The following ZNF28 variants were observed in gnomAD, a reference collection of about 807,000 sequenced individuals.
ZNF28 encodes the protein zinc finger protein KOX24.
In ZNF28, 5 loss-of-function variants were observed where a neutral mutation model predicts 7.2. That is an observed-to-expected ratio of 0.70 (90% confidence interval 0.36 to 1.46). The LOEUF (loss-of-function observed/expected upper bound fraction) is 1.46, where lower values mean the gene tolerates loss of function less well. Ranked by LOEUF, ZNF28 falls within the 40% of genes most tolerant of loss-of-function variation. The pLI, the probability that ZNF28 is intolerant of heterozygous loss-of-function variation, is 0.03. For missense variants in ZNF28, 879 were observed against 866.6 expected, an observed-to-expected ratio of 1.01 and a Z score of -0.18; for synonymous variants, 288 against 292.4, an observed-to-expected ratio of 0.99 and a Z score of 0.15.
intron 2 of ZNF28, among the ~76,000 whole-genome samples, chr19:52,812,383 A>G (rs896670670): frequency 7.2e-6 from 1 of 139,244 alleles, no homozygotes; most frequent in Admixed American, 7.1e-5. Context: ...GTGTGGATAG[A>G]AGTAGACATG....
chr19:52,801,225 T>G lies in ZNF28; in HGVS notation c.620A>C (p.Asn207Thr), dbSNP rs755491456. ...GAAAGATTTTTCTCTCATGTGTACA[T>G]TCCGTTTTTGTGTGAGTAATGAAGA... Reference protein sequence around the residue: ...LHSSLLTQKRNVHMREKSFQC... With the variant: ...LHSSLLTQKRTVHMREKSFQC... The change falls in exon 4 of 4, where the codon AAT (asparagine) becomes ACT (threonine). Residue 207 changes from asparagine (N) to threonine (T), a missense_variant. Transcript: ENST00000457749. 1 of 1,614,194 alleles carries G rather than the reference T, an allele frequency of 6.2e-7. No homozygotes were observed. The highest frequency in any genetic ancestry group is 1.1e-5 in the South Asian group (1 of 91,082).
At chr19:52,802,340 C>A (rs2062882333) in intron 3 of ZNF28, among the ~76,000 whole-genome samples, 1 of 151,770 alleles carries the variant, frequency 6.6e-6, no homozygotes, top group African/African-American at 2.4e-5. Flanking sequence ...TGCACTCCAG[C>A]CCAGGTGACA....
At chr19:52,810,762 AAAG>A (rs2063011020) in intron 2 of ZNF28, 1 of 584,470 alleles carries the variant, frequency 1.7e-6, no homozygotes. Context: ...GGGGAAAAAA[AAAG>A]AATAAAAAAA....
intron 2 of ZNF28, among the ~76,000 whole-genome samples, chr19:52,809,514 A>G (rs191184171): frequency 2.0e-5 from 3 of 152,348 alleles, no homozygotes; most frequent in South Asian, 2.1e-4. Context: ...AACAGAAAAC[A>G]TAACTATTAT....
In ZNF28 at chr19:52,800,430, C is replaced by T. The variant is rs759743756; in HGVS notation, c.1415G>A (p.Cys472Tyr). ...TAEKPYKCEE[C>Y]DKVFRCKSHL... Reference sequence around the variant, plus strand: ...TGATTTGCACCTGAAAACTTTGTCACATTCTTCACATTTGTATGGTTTCTC... The same window carrying T: ...TGATTTGCACCTGAAAACTTTGTCATATTCTTCACATTTGTATGGTTTCTC... Residue 472 changes from cysteine to tyrosine, a missense_variant, in exon 4 of 4, where the codon TGT (cysteine) becomes TAT (tyrosine). Cys to Tyr is a radical substitution (Grantham distance 194). This residue lies in a region of ZNF28 where 864 missense variants were observed against 830.2 expected (regional missense o/e 1.04). Coordinates refer to ENST00000457749, the MANE Select transcript of ZNF28 (RefSeq NM_006969.5). The T allele has an allele frequency of 1.2e-6, 2 of 1,613,484 alleles. No individual in the cohort carries two copies. Among genetic ancestry groups the T allele is most frequent in the Non-Finnish European group, 1.7e-6 (2 of 1,179,730 alleles).
chr19:52,812,843 C>A (rs1045311831), intron 2 of ZNF28, among the ~76,000 whole-genome samples: 2 of 150,012 alleles, frequency 1.3e-5, no homozygotes, highest in African/African-American at 4.9e-5. Flanking sequence ...ACTGGGCAAG[C>A]CTTTGAGGAA....
chr19:52,816,866 A>C (rs1568661237), intron 2 of ZNF28, among the ~76,000 whole-genome samples: 1 of 142,844 alleles, frequency 7.0e-6, no homozygotes, highest in African/African-American at 2.6e-5. Flanking sequence ...AATAATAATA[A>C]TAATAAAACG....
chr19:52,812,362 T>G (rs1387854841), intron 2 of ZNF28, among the ~76,000 whole-genome samples: 1 of 141,072 alleles, frequency 7.1e-6, no homozygotes, highest in Non-Finnish European at 1.5e-5. Context: ...AATCGGATGA[T>G]TGCCGGGTCT....
chr19:52,801,275 A>G lies in ZNF28; in HGVS notation c.570T>C (p.Asn190=), dbSNP rs2062866473. ...ICCRPKTHIS[N]KYGNNSLHSS... is the part of the protein sequence containing the mutation. ...AATGGAGGGAATTATTTCCATACTTATTAGAAATATGGGTTTTGGGCCTAC... is the reference window on the plus strand; with the variant it reads ...AATGGAGGGAATTATTTCCATACTTGTTAGAAATATGGGTTTTGGGCCTAC... Residue 190 remains asparagine (N), a synonymous_variant, in exon 4 of 4, where the codon AAT becomes AAC. Coordinates refer to ENST00000457749, the MANE Select transcript of ZNF28 (RefSeq NM_006969.5). 1 of 1,614,098 alleles carries G rather than the reference A, an allele frequency of 6.2e-7. No homozygotes were observed. The highest frequency in any genetic ancestry group is 8.5e-7 in the Non-Finnish European group (1 of 1,179,966).
intron 3 of ZNF28, among the ~76,000 whole-genome samples, chr19:52,806,443 C>T (rs1255142566): frequency 6.6e-6 from 1 of 152,096 alleles, no homozygotes; most frequent in Non-Finnish European, 1.5e-5. Flanking sequence ...ATATGCCCAT[C>T]TCAGCCTCTC....
At chr19:52,812,762 T>TCAAA (rs1474315343) in intron 2 of ZNF28, among the ~76,000 whole-genome samples, 1 of 75,398 alleles carries the variant, frequency 1.3e-5, no homozygotes, top group Admixed American at 1.5e-4. Flanking sequence ...GAATGATCAA[T>TCAAA]AAAAAAAAAA....
chr19:52,816,745 C>A (rs1188323784), intron 2 of ZNF28, among the ~76,000 whole-genome samples: 4 of 151,700 alleles, frequency 2.6e-5, no homozygotes, highest in Non-Finnish European at 5.9e-5. Context: ...GACAGAGAAT[C>A]GCTTCAACCT....
Position 52,800,105 on chromosome 19 carries a change from T to A in ZNF28, c.1740A>T (p.Lys580Asn), listed in dbSNP as rs1292131810. ...RRIHTGEKPY[K>N]CKVCDKAFRR... ...GGAAAGCCTTGTCACAAACCTTACA[T>A]TTGTACGGTTTCTCTCCAGTATGAA... is the stretch of plus-strand genomic sequence containing the variant. Residue 580 changes from lysine to asparagine, a missense_variant, in exon 4 of 4, where the codon AAA becomes AAT. Coordinates refer to ENST00000457749, the MANE Select transcript of ZNF28 (RefSeq NM_006969.5). 1 of 1,613,806 alleles carries A rather than the reference T, an allele frequency of 6.2e-7. No homozygotes were observed. The highest frequency in any genetic ancestry group is 8.5e-7 in the Non-Finnish European group (1 of 1,179,938).
intron 3 of ZNF28, chr19:52,807,800 A>T: frequency 1.1e-6 from 1 of 898,896 alleles, no homozygotes; most frequent in Non-Finnish European, 1.6e-6. Context: ...TGCCTACTTT[A>T]CTTCTGGAAG....
chr19:52,811,216 T>G (rs1347202458), intron 2 of ZNF28, among the ~76,000 whole-genome samples: 3 of 150,562 alleles, frequency 2.0e-5, no homozygotes, highest in Non-Finnish European at 3.0e-5. Flanking sequence ...CAGGCTGGAG[T>G]GCAGCGGCGT....
At position 52,801,496 on chromosome 19, in the gene ZNF28, T is replaced by G; in HGVS notation, c.349A>C (p.Lys117Gln). 6.2e-7 allele frequency: 1 copy of G among 1,614,116 alleles called. No individual in the cohort carries two copies. Among genetic ancestry groups the G allele is most frequent in the Non-Finnish European group, 8.5e-7 (1 of 1,179,944 alleles). Residue 117 changes from lysine to glutamine, a missense_variant, in exon 4 of 4, where the codon AAA (lysine) becomes CAA (glutamine). Lys to Gln is a moderately conservative substitution (Grantham distance 53, BLOSUM62 1). This residue lies in a region of ZNF28 where 864 missense variants were observed against 830.2 expected (regional missense o/e 1.04). Coordinates refer to ENST00000457749, the MANE Select transcript of ZNF28 (RefSeq NM_006969.5). ...TGGCCTGTACTACCAGTCAACTCTT[T>G]GATTTCTGTCATGGGTGCTGCATGG... The part of the protein sequence containing the change: ...NDHAAPMTEI[K>Q]ELTGSTGQHD...
Position 52,799,179 on chromosome 19 carries a change from C to T in ZNF28, c.*509G>A. On this transcript the variant is annotated 3_prime_UTR_variant, in exon 4 of 4. Coordinates refer to ENST00000457749, the MANE Select transcript of ZNF28 (RefSeq NM_006969.5). The stretch of plus-strand genomic sequence containing the variant: ...ATTAAAAACTATGCCACATTCATTA[C>T]ACTTGTAGGGTTTCTCTCCAATACG... 2.4e-6 allele frequency: 1 copy of T among 414,158 alleles called. No homozygotes were observed. Among genetic ancestry groups the T allele is most frequent in the South Asian group, 2.4e-5 (1 of 42,210 alleles). The allele number at this position is 414,158 out of a possible 1,614,324, so 25.7% of individuals were successfully genotyped here. A position where few individuals can be genotyped will look rare whatever the true frequency, so the allele number is the denominator to read the frequency against.
chr19:52,807,549 A>G (rs1285211068), intron 3 of ZNF28, among the ~76,000 whole-genome samples: 1 of 152,182 alleles, frequency 6.6e-6, no homozygotes, highest in Non-Finnish European at 1.5e-5. Flanking sequence ...TCTCAGCTCA[A>G]TGCAAAACTT....
chr19:52,811,003 C>G (rs1420699555), intron 2 of ZNF28, among the ~76,000 whole-genome samples: 1 of 147,342 alleles, frequency 6.8e-6, no homozygotes, highest in Non-Finnish European at 1.5e-5. Context: ...GATTCTCCTG[C>G]CTCAGCCTGC....
Sources: gnomAD v4.1 joint callset for allele counts (sites outside exome capture counted in the v4.1 genomes callset) on GRCh38, gnomAD v4.1.1 for gene constraint, gnomAD v4.1.1 regional missense constraint, MANE v1.5 for transcripts, NCBI Gene and HGNC (gene_info 2026-07-23, HGNC 2026-07-21) for gene names.